ATP13A4: variants seen among roughly 807,000 people sequenced by gnomAD.
ATP13A4 encodes probable cation-transporting ATPase 13A4.
In ATP13A4, 114 loss-of-function variants were observed where a neutral mutation model predicts 142.5. The ratio of observed to expected loss-of-function variants is 0.80; its 90% CI spans 0.69 to 0.93. ATP13A4 has a LOEUF of 0.93. Among genes scored for constraint, ATP13A4 ranks in the 40% least tolerant of loss-of-function variants. The pLI is 0.00. For missense variants in ATP13A4, 1,392 were observed against 1,454.0 expected (o/e 0.96, Z 0.69); for synonymous variants, 488 against 514.8 (o/e 0.95, Z 0.70).
At chr3:193,437,945 C>A (rs1300242472) in intron 23 of ATP13A4, among the ~76,000 whole-genome samples, 2 of 150,612 alleles carry the variant, frequency 1.3e-5, no homozygotes, top group Non-Finnish European at 2.9e-5. Context: ...CATTCTCCTG[C>A]CTCAGCCTCC....
At chr3:193,438,665 G>T in intron 22 of ATP13A4, 81 bp from the exon 23 acceptor site, 2 of 1,219,400 alleles carry the variant, frequency 1.6e-6, no homozygotes, top group Non-Finnish European at 1.2e-6. Context: ...GGCCAGTTAA[G>T]CTGGCCACAA....
intron 8 of ATP13A4, among the ~76,000 whole-genome samples, chr3:193,472,647 G>A (rs573550123): frequency 6.6e-6 from 1 of 152,330 alleles, no homozygotes; most frequent in Admixed American, 6.5e-5. Context: ...TACAACCACA[G>A]TGTGTAAGTG....
chr3:193,539,526 T>C (rs915203507), intron 1 of ATP13A4, among the ~76,000 whole-genome samples: 10 of 152,220 alleles, frequency 6.6e-5, no homozygotes, highest in Non-Finnish European at 1.3e-4. Context: ...TCTGGAGGGC[T>C]CAAGAATCCA....
At chr3:193,490,229 A>G (rs966550964) in intron 6 of ATP13A4, among the ~76,000 whole-genome samples, 3 of 152,220 alleles carry the variant, frequency 2.0e-5, no homozygotes, top group Admixed American at 6.5e-5. Flanking sequence ...TCACTGCCTC[A>G]CTTTATAATT....
chr3:193,541,574 GA>G (rs1330872533), intron 1 of ATP13A4, among the ~76,000 whole-genome samples: 1 of 152,026 alleles, frequency 6.6e-6, no homozygotes, highest in African/African-American at 2.4e-5. Flanking sequence ...CATCAGATTG[GA>G]AATTCTGTTT....
intron 25 of ATP13A4, among the ~76,000 whole-genome samples, chr3:193,424,641 C>A (rs1028112430): frequency 1.3e-5 from 2 of 149,466 alleles, no homozygotes; most frequent in African/African-American, 4.9e-5. Context: ...ATGAACTAGA[C>A]CCCTATCTCT....
In ATP13A4 at chr3:193,400,610, G is replaced by A. The variant is rs1408995537; in HGVS notation, c.*2042C>T. Among the ~76,000 whole-genome samples the A allele has an allele frequency of 5.9e-5, 9 of 152,212 alleles. No individual in the cohort carries two copies. Among genetic ancestry groups the A allele is most frequent in the Non-Finnish European group, 4.4e-5 (3 of 68,036 alleles). ...TTGGCAGCAATATAAGGTTTGCTCA[G>A]AAGATCTGTATTTGAGGCCTAGATC... On this transcript the variant is annotated 3_prime_UTR_variant, in exon 30 of 30. Coordinates refer to ENST00000342695, the MANE Select transcript of ATP13A4 (RefSeq NM_032279.4).
chr3:193,423,873 G>T (rs1349125842), intron 25 of ATP13A4, among the ~76,000 whole-genome samples: 1 of 149,198 alleles, frequency 6.7e-6, no homozygotes, highest in African/African-American at 2.5e-5. Context: ...AATTGGGAAG[G>T]AGAAAGTCAA....
chr3:193,444,960 G>A (rs1381131798), intron 18 of ATP13A4, among the ~76,000 whole-genome samples: 1 of 152,180 alleles, frequency 6.6e-6, no homozygotes, highest in African/African-American at 2.4e-5. Context: ...TCTACCACCT[G>A]TCAGAGATCC....
At chr3:193,429,909 G>T (rs753187385) in intron 25 of ATP13A4, among the ~76,000 whole-genome samples, 19 of 151,966 alleles carry the variant, frequency 1.3e-4, no homozygotes, top group Non-Finnish European at 1.9e-4. Flanking sequence ...TAATTGGTTA[G>T]CTCTGGATAG....
chr3:193,522,565 G>A (rs572892386), intron 1 of ATP13A4, among the ~76,000 whole-genome samples: 19 of 152,254 alleles, frequency 1.2e-4, no homozygotes, highest in African/African-American at 4.3e-4. Flanking sequence ...CAACAAGGCT[G>A]CCTGTCATGA....
intron 3 of ATP13A4, among the ~76,000 whole-genome samples, chr3:193,493,675 G>A (rs1044076784): frequency 1.3e-5 from 2 of 152,074 alleles, no homozygotes; most frequent in South Asian, 4.1e-4. Flanking sequence ...AAGTTAGTTT[G>A]GGGGAAGAAG....
chr3:193,517,229 T>C (rs1428437409), intron 1 of ATP13A4, among the ~76,000 whole-genome samples: 6 of 152,212 alleles, frequency 3.9e-5, no homozygotes, highest in Non-Finnish European at 7.3e-5. Context: ...ATGGCAGGCA[T>C]GTGCTAGACG....
chr3:193,505,782 T>C (rs763555173), intron 2 of ATP13A4, among the ~76,000 whole-genome samples: 17 of 152,206 alleles, frequency 1.1e-4, no homozygotes, highest in Non-Finnish European at 2.2e-4. Flanking sequence ...TACACCAGTG[T>C]GAAGTGGTCA....
intron 16 of ATP13A4, among the ~76,000 whole-genome samples, chr3:193,455,170 C>G (rs1175536731): frequency 6.6e-6 from 1 of 151,820 alleles, no homozygotes; most frequent in Non-Finnish European, 1.5e-5. Flanking sequence ...AACCCCGTCT[C>G]TACTAAAAAT....
intron 28 of ATP13A4, among the ~76,000 whole-genome samples, chr3:193,409,213 T>C (rs1442411062): frequency 6.6e-6 from 1 of 152,126 alleles, no homozygotes; most frequent in Admixed American, 6.6e-5. Context: ...CATGATTCCA[T>C]CCTTTTAAAA....
intron 1 of ATP13A4, among the ~76,000 whole-genome samples, chr3:193,525,033 G>A (rs1721925179): frequency 6.6e-6 from 1 of 152,300 alleles, no homozygotes; most frequent in East Asian, 1.9e-4. Context: ...CTTCAAAAGA[G>A]CAGAACAGCT....
intron 1 of ATP13A4, among the ~76,000 whole-genome samples, chr3:193,586,677 T>C (rs541335277): frequency 2.6e-5 from 4 of 152,366 alleles, no homozygotes; most frequent in South Asian, 2.1e-4. Flanking sequence ...ACTGCAGAAA[T>C]AGAGACCTAT....
chr3:193,519,626 ATTTTTTTTTT>A lies in ATP13A4; in HGVS notation c.61-4765_61-4756del, dbSNP rs147173408. Among the ~76,000 whole-genome samples, 730 of 69,050 alleles carry A rather than the reference ATTTTTTTTTT, an allele frequency of 0.011. 14 individuals carry two copies. The East Asian group carries it at 0.12, about 11-fold the overall frequency. 45.3% of individuals were successfully genotyped at this position (69,050 alleles called of 152,430 possible). On this transcript the variant is annotated intron_variant, in intron 1 of 29. Transcript: ENST00000342695. ...GAATTTTCACAATTTGCAATTTGTA[ATTTTTTTTTT>A]TTTTTTTTTTTTTTTTTTTTTAGAC...
Sources: gnomAD v4.1 joint callset for allele counts (sites outside exome capture counted in the v4.1 genomes callset) on GRCh38, gnomAD v4.1.1 for gene constraint, MANE v1.5 for transcripts, NCBI Gene and HGNC (gene_info 2026-07-23, HGNC 2026-07-21) for gene names.